The following SYT1 variants were observed in gnomAD, a reference collection of about 807,000 sequenced individuals.
The protein encoded by SYT1 is synaptotagmin-1.
SYT1 carries 8 observed loss-of-function variants against 44.8 expected under a neutral mutation model. That is an observed-to-expected ratio of 0.18 (90% CI 0.10 to 0.32). The LOEUF is 0.32. Among genes scored for constraint, SYT1 ranks in the 10% least tolerant of loss-of-function variants. The pLI is 1.00. For synonymous variants in SYT1, 154 were observed against 188.8 expected, an observed-to-expected ratio of 0.82 and a Z score of 1.51; for missense variants, 286 against 509.3, an observed-to-expected ratio of 0.56 and a Z score of 4.22.
In SYT1 at chr12:78,932,018, G is replaced by T. The variant is rs561047515; in HGVS notation, c.-216-45781G>T. On this transcript the variant is annotated intron_variant, in intron 1 of 10. Transcript: ENST00000261205. ...ACATCTGAGTCTGTGCATGGCTGGTGTATCAGTGCAGTCTGTTTGGACAGC... is the reference window on the plus strand; with the variant it reads ...ACATCTGAGTCTGTGCATGGCTGGTTTATCAGTGCAGTCTGTTTGGACAGC... Among the ~76,000 whole-genome samples, 37 of 152,224 alleles carry T rather than the reference G, an allele frequency of 2.4e-4. 1 individual carries two copies. Among genetic ancestry groups the T allele is most frequent in the Non-Finnish European group, 1.3e-4 (9 of 68,042 alleles).
chr12:79,102,428 A>G (rs1485797280), intron 3 of SYT1, among the ~76,000 whole-genome samples: 1 of 152,144 alleles, frequency 6.6e-6, no homozygotes, highest in Non-Finnish European at 1.5e-5. Context: ...CAGCAAGGTC[A>G]TTCCTAAGGG....
chr12:79,396,176 G>A (rs976545127), intron 9 of SYT1, among the ~76,000 whole-genome samples: 2 of 152,092 alleles, frequency 1.3e-5, no homozygotes, highest in Non-Finnish European at 2.9e-5. Context: ...GGAGTTCCAG[G>A]TGAGAACAAG....
In SYT1 at chr12:78,975,851, G is replaced by A. The variant is rs183387505; in HGVS notation, c.-216-1948G>A. 3.1e-3 allele frequency among the ~76,000 whole-genome samples: 477 copies of A among 152,240 alleles called. 1 individual carries two copies. The highest frequency in any genetic ancestry group is 5.3e-3 in the Non-Finnish European group (360 of 68,016). On this transcript the variant is annotated intron_variant, in intron 1 of 10. Coordinates refer to ENST00000261205, the MANE Select transcript of SYT1 (RefSeq NM_005639.3). Reference sequence around the variant, plus strand: ...TAAAACACTTTCAGAGAGTTGAGGGGAAGCCACTTTATGCTTGGAATCATT... The same window carrying A: ...TAAAACACTTTCAGAGAGTTGAGGGAAAGCCACTTTATGCTTGGAATCATT...
At chr12:79,026,860 CT>C (rs769486196) in intron 2 of SYT1, among the ~76,000 whole-genome samples, 4 of 150,494 alleles carry the variant, frequency 2.7e-5, no homozygotes, top group Non-Finnish European at 5.9e-5. Flanking sequence ...GAGATTTCAC[CT>C]CACACCTATT....
At chr12:78,999,383 C>T (rs548303598) in intron 2 of SYT1, among the ~76,000 whole-genome samples, 31 of 152,218 alleles carry the variant, frequency 2.0e-4, no homozygotes, top group African/African-American at 6.5e-4. Context: ...GGATCTTTGA[C>T]GTATTTTTCT....
At chr12:78,914,044 C>T (rs937901349) in intron 1 of SYT1, among the ~76,000 whole-genome samples, 1 of 151,622 alleles carries the variant, frequency 6.6e-6, no homozygotes, top group African/African-American at 2.4e-5. Flanking sequence ...CAATGTTATT[C>T]TGACTATAAA....
At chr12:79,245,737 C>T (rs1876815854) in intron 4 of SYT1, among the ~76,000 whole-genome samples, 1 of 152,028 alleles carries the variant, frequency 6.6e-6, no homozygotes. Flanking sequence ...AACATGATTT[C>T]TTATAGATCA....
At chr12:78,931,207 GAAAGAAAGAAAGAAAGA>G (rs1240203873) in intron 1 of SYT1, among the ~76,000 whole-genome samples, 6 of 42,710 alleles carry the variant, frequency 1.4e-4, no homozygotes, top group African/African-American at 6.7e-4. Flanking sequence ...AAGAAAGAAA[GAAAGAAAGAAAGAAAGA>G]AAGAAAGAAA....
intron 1 of SYT1, among the ~76,000 whole-genome samples, chr12:78,910,277 G>A (rs924790052): frequency 2.0e-5 from 3 of 151,858 alleles, no homozygotes; most frequent in African/African-American, 7.2e-5. Context: ...GTGAATAATT[G>A]GATAAACAAA....
At chr12:79,190,756 T>C (rs912438608) in intron 3 of SYT1, among the ~76,000 whole-genome samples, 1 of 152,158 alleles carries the variant, frequency 6.6e-6, no homozygotes, top group Middle Eastern at 3.2e-3. Flanking sequence ...AGCTTTTCAT[T>C]AGTTCTGTTA....
At chr12:78,949,707 T>G (rs1394418089) in intron 1 of SYT1, among the ~76,000 whole-genome samples, 1 of 151,992 alleles carries the variant, frequency 6.6e-6, no homozygotes, top group Non-Finnish European at 1.5e-5. Context: ...AGTGAGAAAA[T>G]ATGACAGATT....
At chr12:78,892,540 TA>T (rs1332568765) in intron 1 of SYT1, among the ~76,000 whole-genome samples, 2 of 151,706 alleles carry the variant, frequency 1.3e-5, no homozygotes, top group Non-Finnish European at 2.9e-5. Context: ...ACACACATTT[TA>T]AAATAGGAGC....
At chr12:79,353,824 T>C (rs987241220) in intron 9 of SYT1, among the ~76,000 whole-genome samples, 2 of 152,178 alleles carry the variant, frequency 1.3e-5, no homozygotes, top group African/African-American at 4.8e-5. Context: ...GAAGATGAAA[T>C]CTATTTTCCT....
chr12:79,169,449 C>T (rs947074040), intron 3 of SYT1, among the ~76,000 whole-genome samples: 1 of 151,852 alleles, frequency 6.6e-6, no homozygotes, highest in African/African-American at 2.4e-5. Context: ...TCTTATTTAG[C>T]GATCTGCTTA....
At chr12:79,224,721 T>G (rs1452149783) in intron 4 of SYT1, among the ~76,000 whole-genome samples, 3 of 126,132 alleles carry the variant, frequency 2.4e-5, no homozygotes, top group Non-Finnish European at 3.3e-5. Flanking sequence ...GTGGTTTTTT[T>G]GTTTTGTTTC....
intron 9 of SYT1, chr12:79,419,304 C>A: frequency 1.9e-6 from 1 of 517,600 alleles, no homozygotes; most frequent in Non-Finnish European, 4.0e-6. Context: ...TCCAAATGAG[C>A]TTAATTTCCT....
intron 1 of SYT1, among the ~76,000 whole-genome samples, chr12:78,970,795 T>G (rs1194173682): frequency 6.6e-6 from 1 of 152,148 alleles, no homozygotes; most frequent in African/African-American, 2.4e-5. Flanking sequence ...TATGGCTTAT[T>G]ATGAGCTACA....
chr12:79,275,157 A>C (rs1878644996), intron 4 of SYT1, among the ~76,000 whole-genome samples: 1 of 152,136 alleles, frequency 6.6e-6, no homozygotes, highest in South Asian at 2.1e-4. Context: ...GTTTTTCTCT[A>C]TTCCAGAACT....
chr12:79,285,245 T>C (rs1048373326), intron 4 of SYT1, among the ~76,000 whole-genome samples: 1 of 152,234 alleles, frequency 6.6e-6, no homozygotes, highest in Non-Finnish European at 1.5e-5. Context: ...TGCCAGAACA[T>C]AAGAATACAA....
Sources: gnomAD v4.1 joint callset for allele counts (sites outside exome capture counted in the v4.1 genomes callset) on GRCh38, gnomAD v4.1.1 for gene constraint, MANE v1.5 for transcripts, NCBI Gene and HGNC (gene_info 2026-07-23, HGNC 2026-07-21) for gene names.